SP100: variants seen among roughly 807,000 people sequenced by gnomAD.
SP100 encodes the protein nuclear autoantigen Sp-100.
In SP100, 84 loss-of-function variants were observed where a neutral mutation model predicts 130.0. The observed-to-expected ratio is 0.65, with a 90% CI of 0.54 to 0.77. The LOEUF is 0.77. Ranked by LOEUF, SP100 falls within the 30% of genes least tolerant of loss-of-function variation. The pLI is 0.00. For missense variants in SP100, 978 were observed against 1,052.2 expected (o/e 0.93, Z 0.97); for synonymous variants, 331 against 351.7 (o/e 0.94, Z 0.66).
At chr2:230,425,477 A>C (rs909830519) in intron 2 of SP100, among the ~76,000 whole-genome samples, 71 of 152,148 alleles carry the variant, frequency 4.7e-4, no homozygotes, top group African/African-American at 1.6e-3. Context: ...AGGATGCTGA[A>C]GTTTTCAAAT....
Position 230,481,060 on chromosome 2 carries a change from T to G in SP100, c.1600+6613T>G, listed in dbSNP as rs988417706. ...GGTGGTGGTGGTGGTGGTGGTGGTG[T>G]TGGTCCCTTCGTGGCTTCCTGATGT... On this transcript the variant is annotated intron_variant, in intron 17 of 28. Coordinates refer to ENST00000340126, the MANE Select transcript of SP100 (RefSeq NM_001080391.2). 1.2e-3 allele frequency among the ~76,000 whole-genome samples: 163 copies of G among 136,458 alleles called. 2 individuals carry two copies. The highest frequency in any genetic ancestry group is 4.1e-3 in the African/African-American group (153 of 37,124). The allele number at this position is 136,458 out of a possible 152,430, so 89.5% of individuals were successfully genotyped here. A position where few individuals can be genotyped will look rare whatever the true frequency, so the allele number is the denominator to read the frequency against.
intron 2 of SP100, among the ~76,000 whole-genome samples, chr2:230,436,630 C>T (rs1422475278): frequency 1.3e-5 from 2 of 152,156 alleles, no homozygotes; most frequent in Non-Finnish European, 2.9e-5. Flanking sequence ...AACCTCTTTC[C>T]TTTATAAATT....
At chr2:230,445,065 A>G (rs979512845) in intron 4 of SP100, among the ~76,000 whole-genome samples, 2 of 152,210 alleles carry the variant, frequency 1.3e-5, no homozygotes, top group Non-Finnish European at 2.9e-5. Flanking sequence ...CCCTTTATCC[A>G]CAAGGGGTGA....
At position 230,515,166 on chromosome 2, in the gene SP100, A is replaced by G. The variant is rs61733088; in HGVS notation, c.2094+4000A>G. On this transcript the variant is annotated intron_variant, in intron 24 of 28. Transcript: ENST00000340126. ...AGTTTTTAAAGAAGTGCTCAGAGACATGGAAGACCATTTTTGCTAAAGAGA... is the reference window on the plus strand; with the variant it reads ...AGTTTTTAAAGAAGTGCTCAGAGACGTGGAAGACCATTTTTGCTAAAGAGA... 1.7e-4 allele frequency: 277 copies of G among 1,613,674 alleles called. No homozygotes were observed. In the African/African-American group the frequency reaches 2.9e-3, roughly 17 times the overall value.
chr2:230,526,818 G>A (rs986864720), intron 24 of SP100, among the ~76,000 whole-genome samples: 1 of 152,100 alleles, frequency 6.6e-6, no homozygotes. Flanking sequence ...TGGAAGAAAG[G>A]ATATCAGTGA....
intron 24 of SP100, among the ~76,000 whole-genome samples, chr2:230,521,164 T>C (rs1691153566): frequency 6.6e-6 from 1 of 152,206 alleles, no homozygotes; most frequent in South Asian, 2.1e-4. Context: ...GCTTGTCATG[T>C]GGATGCAGAG....
intron 24 of SP100, among the ~76,000 whole-genome samples, chr2:230,535,145 G>A (rs185970514): frequency 4.6e-5 from 7 of 151,870 alleles, no homozygotes; most frequent in African/African-American, 7.2e-5. Flanking sequence ...GCAGTGAGCC[G>A]AGATTGTGCC....
chr2:230,498,379 C>A, intron 18 of SP100, 82 bp from the exon 19 acceptor site: 1 of 740,880 alleles, frequency 1.3e-6, no homozygotes, highest in Non-Finnish European at 2.1e-6. Context: ...AAAGTTATAG[C>A]TAAATAAAAT....
At chr2:230,505,547 C>T (rs952757011) in intron 21 of SP100, among the ~76,000 whole-genome samples, 44 of 152,250 alleles carry the variant, frequency 2.9e-4, no homozygotes, top group African/African-American at 9.4e-4. Context: ...AATAATATAA[C>T]TTGCCTCACT....
intron 24 of SP100, among the ~76,000 whole-genome samples, chr2:230,512,321 G>A (rs1414647412): frequency 9.2e-6 from 1 of 109,268 alleles, no homozygotes; most frequent in Non-Finnish European, 1.7e-5. Context: ...ACGGAGTCTC[G>A]CTCCATTGCC....
chr2:230,504,364 C>A, intron 21 of SP100, 74 bp downstream of exon 21: 1 of 847,628 alleles, frequency 1.2e-6, no homozygotes. Flanking sequence ...TAGGAGTAGA[C>A]ACTTGCCTTT....
intron 24 of SP100, among the ~76,000 whole-genome samples, chr2:230,514,694 C>T (rs900084645): frequency 6.6e-6 from 1 of 152,160 alleles, no homozygotes; most frequent in Non-Finnish European, 1.5e-5. Context: ...CATATAGACT[C>T]CTTTTAAGTT....
intron 24 of SP100, chr2:230,538,202 A>C (rs1649895): frequency 0.16 from 24,778 of 152,172 alleles, 2,417 homozygotes; most frequent in Non-Finnish European, 0.22. Flanking sequence ...ACTTGTAAGC[A>C]AAAGAAAAAA....
At position 230,443,065 on chromosome 2, in the gene SP100, G is replaced by A. The variant is rs1238770937; in HGVS notation, c.236G>A (p.Arg79His). The A allele has an allele frequency of 5.0e-6, 8 of 1,614,044 alleles. No individual in the cohort carries two copies. The highest frequency in any genetic ancestry group is 3.3e-5 in the Admixed American group (2 of 60,006). ...ACATTTCCATTCCTCGAGGGCCTCCGTGATCGTGATCTCATCACAAATAAA... is the reference window on the plus strand; with the variant it reads ...ACATTTCCATTCCTCGAGGGCCTCCATGATCGTGATCTCATCACAAATAAA... ...KKTFPFLEGL[R>H]DRDLITNKMF... The change falls in exon 3 of 29, where the codon CGT becomes CAT. Residue 79 changes from arginine to histidine, a missense_variant. Transcript: ENST00000340126.
chr2:230,458,458 A>G (rs960153286), intron 8 of SP100, among the ~76,000 whole-genome samples: 2 of 152,328 alleles, frequency 1.3e-5, no homozygotes, highest in African/African-American at 4.8e-5. Flanking sequence ...AAATCTGCAT[A>G]CAAGTGGACT....
intron 5 of SP100, among the ~76,000 whole-genome samples, chr2:230,447,230 G>A (rs896282906): frequency 2.0e-5 from 3 of 152,170 alleles, no homozygotes; most frequent in Middle Eastern, 3.2e-3. Flanking sequence ...CCCGTGGCCC[G>A]TGGTCAACAT....
At chr2:230,469,147 A>G (rs72983739) in intron 14 of SP100, 51 bp downstream of exon 14, 147 of 1,111,354 alleles carry the variant, frequency 1.3e-4, no homozygotes, top group Non-Finnish European at 1.9e-4. Flanking sequence ...ATTTGCTGCA[A>G]AAGCTACATT....
intron 10 of SP100, chr2:230,463,846 A>G (rs1162946249): frequency 5.7e-6 from 2 of 350,880 alleles, no homozygotes; most frequent in Non-Finnish European, 1.1e-5. Flanking sequence ...GTGGGAAAGC[A>G]AAGGCCAAGC....
At chr2:230,476,669 C>T (rs1575694739) in intron 17 of SP100, among the ~76,000 whole-genome samples, 1 of 152,058 alleles carries the variant, frequency 6.6e-6, no homozygotes, top group African/African-American at 2.4e-5. Flanking sequence ...TCCTTTCTTG[C>T]TTTTTAAACT....
Sources: allele counts gnomAD v4.1 joint callset (sites outside exome capture counted in the v4.1 genomes callset), GRCh38; gene constraint gnomAD v4.1.1; transcripts MANE v1.5; gene names NCBI Gene and HGNC (gene_info 2026-07-23, HGNC 2026-07-21).